The following SARS1 variants were observed in gnomAD, a reference collection of about 807,000 sequenced individuals.
The protein encoded by SARS1 is serine--tRNA ligase, cytoplasmic.
SARS1 carries 25 observed loss-of-function variants against 63.7 expected under a neutral mutation model. That is an observed-to-expected ratio of 0.39 (90% CI 0.29 to 0.55). SARS1 has a LOEUF of 0.55. Among genes scored for constraint, SARS1 ranks in the 20% least tolerant of loss-of-function variants. SARS1 has a pLI of 0.62. For synonymous variants in SARS1, 231 were observed against 243.5 expected, an observed-to-expected ratio of 0.95 and a Z score of 0.48; for missense variants, 417 against 649.7, an observed-to-expected ratio of 0.64 and a Z score of 3.89.
At chr1:109,216,182 TG>T in intron 1 of SARS1, 1 of 985,440 alleles carries the variant, frequency 1.0e-6, no homozygotes, top group Non-Finnish European at 1.2e-6. Flanking sequence ...GATCAGAGGA[TG>T]GAGTTCTTCT....
intron 4 of SARS1, among the ~76,000 whole-genome samples, chr1:109,230,387 T>C (rs1212892220): frequency 6.6e-6 from 1 of 152,172 alleles, no homozygotes; most frequent in Non-Finnish European, 1.5e-5. Context: ...TTACTACTTC[T>C]CCATTGAGTA....
chr1:109,219,161 G>A (rs924078524), intron 1 of SARS1, among the ~76,000 whole-genome samples: 1 of 149,950 alleles, frequency 6.7e-6, no homozygotes, highest in African/African-American at 2.4e-5. Flanking sequence ...AGCTACTTGG[G>A]AGGCTGAGGC....
Position 109,229,389 on chromosome 1 carries a change from A to G in SARS1, c.289-25A>G, listed in dbSNP as rs1319262578. 4.3e-6 allele frequency: 7 copies of G among 1,610,688 alleles called. No individual in the cohort carries two copies. The South Asian group carries it at 6.6e-5, about 15-fold the overall frequency. The stretch of plus-strand genomic sequence containing the variant: ...CTGTCCTTGCCTCACTGTCCTGCTT[A>G]TGGGCCTGGCCTGTTCATCTGCAGA... On this transcript the variant is annotated intron_variant, in intron 3 of 10. Coordinates refer to ENST00000234677, the MANE Select transcript of SARS1 (RefSeq NM_006513.4).
chr1:109,231,148 C>A, intron 5 of SARS1, 127 bp downstream of exon 5: 2 of 544,676 alleles, frequency 3.7e-6, no homozygotes. Flanking sequence ...ACCAGTTGTA[C>A]TTGCCTTTCT....
chr1:109,233,857 G>A (rs1315329621), intron 6 of SARS1, among the ~76,000 whole-genome samples: 1 of 117,152 alleles, frequency 8.5e-6, no homozygotes, highest in Non-Finnish European at 1.8e-5. Context: ...CACCACACCT[G>A]GCTAATTTTT....
At position 109,236,372 on chromosome 1, in the gene SARS1, T is replaced by G. The variant is rs753520611; in HGVS notation, c.1100-19T>G. On this transcript the variant is annotated intron_variant, in intron 8 of 10. Transcript: ENST00000234677. ...AATACCATCCCTCCTTCATGAATTCTAGGGGTTTTTCCTTACAGGTTCTTT... is the reference window on the plus strand; with the variant it reads ...AATACCATCCCTCCTTCATGAATTCGAGGGGTTTTTCCTTACAGGTTCTTT... 2 of 1,581,118 alleles carry G rather than the reference T, an allele frequency of 1.3e-6. No individual in the cohort carries two copies. The highest frequency in any genetic ancestry group is 3.5e-5 in the Admixed American group (2 of 56,926).
In SARS1 at chr1:109,235,869, T is replaced by A. The variant is rs1311792568; in HGVS notation, c.970-108T>A. 1 of 1,130,458 alleles carries A rather than the reference T, an allele frequency of 8.8e-7. No individual in the cohort carries two copies. Among genetic ancestry groups the A allele is most frequent in the Non-Finnish European group, 1.3e-6 (1 of 795,906 alleles). 70.0% of individuals were successfully genotyped at this position (1,130,458 alleles called of 1,614,324 possible). On this transcript the variant is annotated intron_variant, in intron 7 of 10. Transcript: ENST00000234677. This position sits in a 1 kb window ranked among gnomAD's most constrained non-coding sequence, Gnocchi z 4.7. Reference sequence around the variant, plus strand: ...CAGTTGCTGGGGGCCCAGACTTGCCTGCCTCCCAGTGGTGTGGAAACAGGT... The same window carrying A: ...CAGTTGCTGGGGGCCCAGACTTGCCAGCCTCCCAGTGGTGTGGAAACAGGT...
chr1:109,222,117 G>A (rs956545154), intron 1 of SARS1, among the ~76,000 whole-genome samples: 5 of 134,012 alleles, frequency 3.7e-5, no homozygotes, highest in African/African-American at 1.4e-4. Context: ...ACCCACTTCA[G>A]CCTCCCAAAG....
intron 1 of SARS1, among the ~76,000 whole-genome samples, chr1:109,221,676 T>C (rs1014345989): frequency 6.6e-6 from 1 of 152,104 alleles, no homozygotes; most frequent in Non-Finnish European, 1.5e-5. Context: ...ATATACCTAA[T>C]AAATAACATT....
rs1170244410 is a variant in SARS1, at chr1:109,236,026, T to C, written c.1019T>C (p.Met340Thr). 2 of 1,613,824 alleles carry C rather than the reference T, an allele frequency of 1.2e-6. No individual in the cohort carries two copies. Among genetic ancestry groups the C allele is most frequent in the Non-Finnish European group, 1.7e-6 (2 of 1,179,758 alleles). Residue 340 changes from methionine (M) to threonine (T), a missense_variant, in exon 8 of 11, where the codon ATG (methionine) becomes ACG (threonine). Around this residue, in one of 3 missense-constraint regions of SARS1, gnomAD observed 359 missense variants for 529.6 expected, o/e 0.68. Transcript: ENST00000234677. ...SSPHDNKSWE[M>T]FEEMITTAEE... The stretch of plus-strand genomic sequence containing the variant: ...CCCCATGACAACAAGTCATGGGAGA[T>C]GTTTGAAGAGATGATTACCACCGCA...
At chr1:109,219,338 T>G (rs1277862915) in intron 1 of SARS1, among the ~76,000 whole-genome samples, 7 of 45,612 alleles carry the variant, frequency 1.5e-4, no homozygotes, top group African/African-American at 3.1e-4. Flanking sequence ...ATACACACTA[T>G]ATATATATAT....
intron 2 of SARS1, among the ~76,000 whole-genome samples, chr1:109,227,237 C>T (rs750945517): frequency 2.6e-5 from 4 of 152,096 alleles, no homozygotes; most frequent in Non-Finnish European, 5.9e-5. Flanking sequence ...TCGTGATCCA[C>T]CCACCTCAGC....
At chr1:109,228,517 C>T (rs1016990450) in intron 3 of SARS1, 85 bp downstream of exon 3, 2 of 878,042 alleles carry the variant, frequency 2.3e-6, no homozygotes, top group Non-Finnish European at 3.8e-6. Flanking sequence ...TCACTCTGCT[C>T]CACACAGCAT....
rs1326509805 is a variant in SARS1 at position 109,235,050 on chromosome 1, T to A, written c.748-160T>A. ...CTCTGTCAGGGACCCCATTTTGGACTGACCCATTCCTTTATCTTTTTAGTA... is the reference window on the plus strand; with the variant it reads ...CTCTGTCAGGGACCCCATTTTGGACAGACCCATTCCTTTATCTTTTTAGTA... On this transcript the variant is annotated intron_variant, in intron 6 of 10. Coordinates refer to ENST00000234677, the MANE Select transcript of SARS1 (RefSeq NM_006513.4). This position sits in a 1 kb window ranked among gnomAD's most constrained non-coding sequence, Gnocchi z 4.7. 6.6e-6 allele frequency among the ~76,000 whole-genome samples: 1 copy of A among 152,244 alleles called. No individual in the cohort carries two copies. The highest frequency in any genetic ancestry group is 1.5e-5 in the Non-Finnish European group (1 of 68,030).
intron 3 of SARS1, 107 bp from the exon 4 acceptor site, chr1:109,229,304 TACC>T: frequency 9.1e-7 from 1 of 1,097,394 alleles, no homozygotes; most frequent in Non-Finnish European, 1.3e-6. Context: ...TTTAAAATGC[TACC>T]ACAAGGGCTA....
chr1:109,237,503 C>A lies in SARS1; in HGVS notation c.1387+130C>A. 7.1e-7 allele frequency: 1 copy of A among 1,415,994 alleles called. No homozygotes were observed. 87.7% of individuals were successfully genotyped at this position (1,415,994 alleles called of 1,614,324 possible). ...GCCCCTGAAACTCTGTCTGCCCTCT[C>A]GGGCTGGGCAGGGCAGGGGGCCTGG... On this transcript the variant is annotated intron_variant, in intron 10 of 10. Coordinates refer to ENST00000234677, the MANE Select transcript of SARS1 (RefSeq NM_006513.4). The surrounding 1 kb of genome is among the most constrained non-coding windows in gnomAD (Gnocchi z 4.1).
At chr1:109,229,122 G>C (rs910577131) in intron 3 of SARS1, among the ~76,000 whole-genome samples, 26 of 152,210 alleles carry the variant, frequency 1.7e-4, no homozygotes, top group African/African-American at 1.9e-4. Flanking sequence ...TCTCATAAGA[G>C]AGCGGCAGTA....
intron 6 of SARS1, among the ~76,000 whole-genome samples, chr1:109,232,910 C>G (rs1655236671): frequency 6.6e-6 from 1 of 152,178 alleles, no homozygotes; most frequent in South Asian, 2.1e-4. Context: ...ATCTCCGTCT[C>G]TTATCCAGAC....
chr1:109,221,960 T>TGTGTGTGTGTGTGTGTG (rs1654937422), intron 1 of SARS1, among the ~76,000 whole-genome samples: 1 of 10,060 alleles, frequency 9.9e-5, no homozygotes, highest in African/African-American at 1.5e-4. Context: ...GCTAATTTTT[T>TGTGTGTGTGTGTGTGTG]TGTGTGTGTG....
Sources: gnomAD v4.1 joint callset for allele counts (sites outside exome capture counted in the v4.1 genomes callset) on GRCh38, gnomAD v4.1.1 for gene constraint, gnomAD v4.1.1 regional missense constraint, Gnocchi (gnomAD v3.1) non-coding constraint, MANE v1.5 for transcripts, NCBI Gene and HGNC (gene_info 2026-07-23, HGNC 2026-07-21) for gene names.